Variants in CDC14A observed in about 807,000 individuals in gnomAD.
CDC14A encodes dual specificity protein phosphatase CDC14A.
In CDC14A, 53 loss-of-function variants were observed where a neutral mutation model predicts 74.4. The ratio of observed to expected loss-of-function variants is 0.71; its 90% CI spans 0.57 to 0.89. CDC14A has a LOEUF of 0.89. CDC14A is among the 40% of genes least tolerant of loss of function. CDC14A has a pLI of 0.00. For missense variants in CDC14A, 646 were observed against 713.7 expected (o/e 0.91, Z 1.08); for synonymous variants, 247 against 258.4 (o/e 0.96, Z 0.43).
intron 8 of CDC14A, among the ~76,000 whole-genome samples, chr1:100,461,914 C>T (rs1324469479): frequency 6.6e-6 from 1 of 151,988 alleles, no homozygotes; most frequent in Non-Finnish European, 1.5e-5. Flanking sequence ...TAAGTATTCA[C>T]ATATTTATCA....
chr1:100,443,429 A>C (rs1665185852), intron 7 of CDC14A, among the ~76,000 whole-genome samples: 1 of 151,892 alleles, frequency 6.6e-6, no homozygotes, highest in Non-Finnish European at 1.5e-5. Flanking sequence ...CTGCCTCCCC[A>C]GGCTCAAGCT....
intron 4 of CDC14A, chr1:100,393,404 A>G (rs1657980893): frequency 8.6e-6 from 7 of 815,204 alleles, no homozygotes; most frequent in Non-Finnish European, 1.6e-5. Context: ...CTTGCCATGC[A>G]GTAATGCCAT....
rs1211748026 is a variant in CDC14A at position 100,498,191 on chromosome 1, G to A, written c.1405G>A (p.Gly469Ser). 1 of 1,613,998 alleles carries A rather than the reference G, an allele frequency of 6.2e-7. No homozygotes were observed. Among genetic ancestry groups the A allele is most frequent in the South Asian group, 1.1e-5 (1 of 91,058 alleles). ...KRINRTSLSS[G>S]ATVRSFSINS... is the part of the protein sequence containing the mutation. ...GATCAACAGAACTTCTTTGTCTTCGGGTGCCACTGTAAGAAGGTAATTTTT... is the reference window on the plus strand; with the variant it reads ...GATCAACAGAACTTCTTTGTCTTCGAGTGCCACTGTAAGAAGGTAATTTTT... The change falls in exon 14 of 16, where the codon GGT becomes AGT. Residue 469 changes from glycine (G) to serine (S), a missense_variant. By Grantham distance (56) the Gly-to-Ser change is moderately conservative (BLOSUM62 0). Transcript: ENST00000336454.
intron 4 of CDC14A, chr1:100,394,081 C>A: frequency 4.6e-6 from 1 of 217,396 alleles, no homozygotes; most frequent in South Asian, 7.0e-5. Context: ...CTTTTTCCCT[C>A]CCTTGCATCT....
chr1:100,491,588 T>TTG (rs1670700409), intron 11 of CDC14A, among the ~76,000 whole-genome samples: 1 of 125,488 alleles, frequency 8.0e-6, no homozygotes. Context: ...TTTTTTTTTT[T>TTG]TTTTTTTGAG....
chr1:100,456,166 T>C (rs891844594), intron 8 of CDC14A, among the ~76,000 whole-genome samples: 1 of 152,214 alleles, frequency 6.6e-6, no homozygotes, highest in Non-Finnish European at 1.5e-5. Context: ...TAGCTGACAG[T>C]GGTTAAACTA....
At position 100,412,696 on chromosome 1, in the gene CDC14A, T is replaced by A. The variant is rs1452139892; in HGVS notation, c.310-11526T>A. ...AAGGTGGGTGAACTTCCTGTATGTT[T>A]TATATATATATATATATATATATAT... On this transcript the variant is annotated intron_variant, in intron 4 of 15. Coordinates refer to ENST00000336454, the MANE Select transcript of CDC14A (RefSeq NM_003672.4). 2.2e-4 allele frequency among the ~76,000 whole-genome samples: 16 copies of A among 74,098 alleles called. No individual in the cohort carries two copies. The East Asian group carries it at 2.6e-3, about 12-fold the overall frequency. 48.6% of individuals were successfully genotyped at this position (74,098 alleles called of 152,430 possible).
At chr1:100,357,309 G>T (rs1001610922) in intron 2 of CDC14A, among the ~76,000 whole-genome samples, 4 of 152,122 alleles carry the variant, frequency 2.6e-5, no homozygotes, top group African/African-American at 4.8e-5. Flanking sequence ...AGGATGGGAG[G>T]AGCAAGGGAA....
chr1:100,420,061 C>T (rs200205885), intron 4 of CDC14A, among the ~76,000 whole-genome samples: 20,030 of 61,618 alleles, frequency 0.33, 5,229 homozygotes, highest in African/African-American at 0.65. Flanking sequence ...CACACACACA[C>T]ACATATATAT....
In CDC14A at chr1:100,412,733, ATATAT is replaced by A. The variant is rs1557732439; in HGVS notation, c.310-11487_310-11483del. On this transcript the variant is annotated intron_variant, in intron 4 of 15. Coordinates refer to ENST00000336454, the MANE Select transcript of CDC14A (RefSeq NM_003672.4). ...ATATATATATATATATTTTATATATATATATTTTATATATATATATTTTATATATA... is the reference window on the plus strand; with the variant it reads ...ATATATATATATATATTTTATATATATTTATATATATATATTTTATATATA... Among the ~76,000 whole-genome samples the A allele has an allele frequency of 1.3e-3, 144 of 110,118 alleles. 5 individuals carry two copies. The highest frequency in any genetic ancestry group is 6.6e-3 in the African/African-American group (137 of 20,792). The allele number at this position is 110,118 out of a possible 152,430, so 72.2% of individuals were successfully genotyped here. A position where few individuals can be genotyped will look rare whatever the true frequency, so the allele number is the denominator to read the frequency against.
chr1:100,412,716 ATATATATTT>A lies in CDC14A; in HGVS notation c.310-11498_310-11490del, dbSNP rs1338396326. On this transcript the variant is annotated intron_variant, in intron 4 of 15. Transcript: ENST00000336454. The stretch of plus-strand genomic sequence containing the variant: ...ATGTTTTATATATATATATATATAT[ATATATATTT>A]TATATATATATATTTTATATATATA... Among the ~76,000 whole-genome samples, 29 of 102,752 alleles carry A rather than the reference ATATATATTT, an allele frequency of 2.8e-4. No individual in the cohort carries two copies. The East Asian group carries it at 3.2e-3, about 11-fold the overall frequency. 67.4% of individuals were successfully genotyped at this position (102,752 alleles called of 152,430 possible).
In CDC14A at chr1:100,508,231, AT is replaced by A. The variant is rs1189743819; in HGVS notation, c.1755+8972del. 6.6e-6 allele frequency among the ~76,000 whole-genome samples: 1 copy of A among 151,870 alleles called. No homozygotes were observed. The highest frequency in any genetic ancestry group is 1.9e-4 in the East Asian group (1 of 5,192). ...ATCCTTATGATAGCCATCTGTTATA[AT>A]TTGGGCCCGCCTGTTTTTGTTTTAT... is the stretch of plus-strand genomic sequence containing the variant. On this transcript the variant is annotated intron_variant, in intron 15 of 15. Transcript: ENST00000336454. This position sits in a 1 kb window ranked among gnomAD's most constrained non-coding sequence, Gnocchi z 4.4.
At chr1:100,493,055 A>AT (rs1427136111) in intron 11 of CDC14A, among the ~76,000 whole-genome samples, 1 of 152,082 alleles carries the variant, frequency 6.6e-6, no homozygotes, top group Non-Finnish European at 1.5e-5. Flanking sequence ...TGGGAGGTAA[A>AT]TTTTTATATC....
intron 5 of CDC14A, 30 bp downstream of exon 5, chr1:100,424,331 CTT>C (rs767273304): frequency 6.6e-7 from 1 of 1,516,954 alleles, no homozygotes. Flanking sequence ...TTGGGTTAAA[CTT>C]TTGCTACAGA....
chr1:100,390,885 A>T, intron 4 of CDC14A, 61 bp downstream of exon 4: 1 of 1,217,180 alleles, frequency 8.2e-7, no homozygotes, highest in Non-Finnish European at 1.2e-6. Context: ...AACACTGTCA[A>T]AGAAAATCCA....
At chr1:100,499,530 G>A in intron 15 of CDC14A, 1 of 1,076,502 alleles carries the variant, frequency 9.3e-7, no homozygotes, top group Non-Finnish European at 1.3e-6. Context: ...TCTTAAAAGG[G>A]AAATAGCTTT....
intron 10 of CDC14A, among the ~76,000 whole-genome samples, chr1:100,483,075 A>C (rs943554027): frequency 2.6e-5 from 4 of 152,182 alleles, no homozygotes; most frequent in Non-Finnish European, 4.4e-5. Context: ...TCTTTATGGT[A>C]GAATGATTTA....
chr1:100,432,389 C>T, intron 5 of CDC14A, among the ~76,000 whole-genome samples: 1 of 152,190 alleles, frequency 6.6e-6, no homozygotes, highest in East Asian at 1.9e-4. Flanking sequence ...TAGTCTGCAG[C>T]TGAACTGTCC....
Position 100,462,847 on chromosome 1 carries a change from G to A in CDC14A, c.804G>A (p.Glu268=), listed in dbSNP as rs767219224. 1 of 1,613,942 alleles carries A rather than the reference G, an allele frequency of 6.2e-7. No homozygotes were observed. Among genetic ancestry groups the A allele is most frequent in the Admixed American group, 1.7e-5 (1 of 59,996 alleles). The change falls in exon 9 of 16, where the codon GAG becomes GAA. Residue 268 remains glutamate, a synonymous_variant. Transcript: ENST00000336454. ...NIVRRFLNIC[E]NTEGAIAVHC... is the part of the protein sequence containing the mutation. ...TGCGAAGGTTCCTGAACATCTGTGA[G>A]AACACCGAAGGGGCCATCGCCGTTC...
Sources: allele counts gnomAD v4.1 joint callset (sites outside exome capture counted in the v4.1 genomes callset), GRCh38; gene constraint gnomAD v4.1.1; non-coding constraint Gnocchi (gnomAD v3.1); transcripts MANE v1.5; gene names NCBI Gene and HGNC (gene_info 2026-07-23, HGNC 2026-07-21).